Variants in RNF13 observed in about 807,000 individuals in gnomAD.
RNF13 encodes the protein E3 ubiquitin-protein ligase RNF13.
Under a neutral mutation model 37.7 loss-of-function variants are expected in RNF13, and 19 were observed. That is an observed-to-expected ratio of 0.50 (90% CI 0.35 to 0.74). The LOEUF (loss-of-function observed/expected upper bound fraction) is 0.74. Among genes scored for constraint, RNF13 ranks in the 30% least tolerant of loss-of-function variants. RNF13 has a pLI of 0.01. For missense variants in RNF13, 375 were observed against 453.0 expected (o/e 0.83, Z 1.56); for synonymous variants, 144 against 157.8 (o/e 0.91, Z 0.65).
chr3:149,941,889 A>ATATT lies in RNF13; in HGVS notation c.701-18140_701-18137dup, dbSNP rs58521010. 9.5e-3 allele frequency among the ~76,000 whole-genome samples: 1,366 copies of ATATT among 144,344 alleles called. 19 individuals carry two copies. Among genetic ancestry groups the ATATT allele is most frequent in the African/African-American group, 0.028 (1,096 of 39,286 alleles). The allele number at this position is 144,344 out of a possible 152,430, so 94.7% of individuals were successfully genotyped here. A position where few individuals can be genotyped will look rare whatever the true frequency, so the allele number is the denominator to read the frequency against. On this transcript the variant is annotated intron_variant, in intron 8 of 9. Coordinates refer to ENST00000392894, the MANE Select transcript of RNF13 (RefSeq NM_183381.3). ...AAGGTGTAAGTTAAGGTCCAGCTTA[A>ATATT]TATTTATTTATTTATTTATTTATTT...
At chr3:149,909,477 G>A (rs1716765283) in intron 6 of RNF13, among the ~76,000 whole-genome samples, 1 of 132,286 alleles carries the variant, frequency 7.6e-6, no homozygotes, top group Non-Finnish European at 1.6e-5. Context: ...TTTTAGTAGA[G>A]ATGGGGTTTT....
At chr3:149,863,182 T>G (rs1724450931) in intron 3 of RNF13, among the ~76,000 whole-genome samples, 1 of 152,214 alleles carries the variant, frequency 6.6e-6, no homozygotes, top group African/African-American at 2.4e-5. Flanking sequence ...TTAATCAGAT[T>G]GATAAGCAAA....
chr3:149,957,040 T>C (rs761068175), intron 8 of RNF13, among the ~76,000 whole-genome samples: 4 of 152,230 alleles, frequency 2.6e-5, no homozygotes, highest in Non-Finnish European at 4.4e-5. Flanking sequence ...CTAACACTTA[T>C]AAAGCACTTG....
intron 2 of RNF13, chr3:149,851,572 T>A (rs1199601045): frequency 2.0e-5 from 3 of 152,200 alleles, no homozygotes; most frequent in Non-Finnish European, 4.4e-5. Context: ...CTTGCTTTCT[T>A]CCTTTTTGTC....
chr3:149,904,871 A>G (rs574757637), intron 6 of RNF13, among the ~76,000 whole-genome samples: 82 of 152,270 alleles, frequency 5.4e-4, no homozygotes, highest in African/African-American at 2.0e-3. Context: ...CTTAGTGCAT[A>G]AACAATATTC....
At chr3:149,931,506 T>C (rs1211071772) in intron 8 of RNF13, among the ~76,000 whole-genome samples, 3 of 152,194 alleles carry the variant, frequency 2.0e-5, no homozygotes, top group Non-Finnish European at 4.4e-5. Flanking sequence ...TTCTAACATA[T>C]ATATATTCAG....
At chr3:149,863,515 G>C (rs1019727483) in intron 3 of RNF13, among the ~76,000 whole-genome samples, 1 of 152,144 alleles carries the variant, frequency 6.6e-6, no homozygotes, top group Admixed American at 6.5e-5. Context: ...GTGTAGCTGG[G>C]ATTACAGGCG....
At chr3:149,877,715 A>G (rs1010358252) in intron 4 of RNF13, among the ~76,000 whole-genome samples, 1 of 152,106 alleles carries the variant, frequency 6.6e-6, no homozygotes, top group Non-Finnish European at 1.5e-5. Flanking sequence ...TTAATTTTTC[A>G]TAATGTATAT....
chr3:149,937,580 G>C (rs1576566911), intron 8 of RNF13, among the ~76,000 whole-genome samples: 1 of 151,956 alleles, frequency 6.6e-6, no homozygotes, highest in Non-Finnish European at 1.5e-5. Flanking sequence ...TGCCATTTTG[G>C]TAACATCACT....
intron 1 of RNF13, among the ~76,000 whole-genome samples, chr3:149,821,823 A>C (rs1720021727): frequency 6.6e-6 from 1 of 152,040 alleles, no homozygotes; most frequent in South Asian, 2.1e-4. Flanking sequence ...ATTTTGTGTT[A>C]ATTGTTGTAT....
intron 4 of RNF13, chr3:149,895,179 C>A: frequency 4.1e-6 from 1 of 243,140 alleles, no homozygotes; most frequent in Non-Finnish European, 7.8e-6. Flanking sequence ...TTGTCATTCT[C>A]ATTTCAGAGG....
At chr3:149,926,338 AG>A (rs1401793397) in intron 8 of RNF13, among the ~76,000 whole-genome samples, 1 of 152,090 alleles carries the variant, frequency 6.6e-6, no homozygotes, top group African/African-American at 2.4e-5. Context: ...CATCCTGCCG[AG>A]TAGCTGGGAC....
chr3:149,901,496 A>G (rs1440684403), intron 5 of RNF13, among the ~76,000 whole-genome samples: 1 of 152,198 alleles, frequency 6.6e-6, no homozygotes, highest in Non-Finnish European at 1.5e-5. Context: ...ATCAAACACA[A>G]AACTTTGCCA....
chr3:149,836,148 T>C (rs1721602834), intron 1 of RNF13, among the ~76,000 whole-genome samples: 2 of 152,346 alleles, frequency 1.3e-5, no homozygotes, highest in South Asian at 4.1e-4. Flanking sequence ...CTAGTGATGT[T>C]GAGCATTTCT....
chr3:149,848,699 T>TTTGG (rs771822334), intron 2 of RNF13, among the ~76,000 whole-genome samples: 2 of 152,188 alleles, frequency 1.3e-5, no homozygotes, highest in African/African-American at 4.8e-5. Flanking sequence ...CCTTTGATTT[T>TTTGG]TTGGTTGGTT....
At chr3:149,901,275 A>G (rs146309992) in intron 5 of RNF13, among the ~76,000 whole-genome samples, 1 of 152,334 alleles carries the variant, frequency 6.6e-6, no homozygotes, top group East Asian at 1.9e-4. Flanking sequence ...TTTGAAAACT[A>G]TAAAAAGAAA....
At chr3:149,923,799 T>C (rs564357599) in intron 8 of RNF13, among the ~76,000 whole-genome samples, 1 of 144,108 alleles carries the variant, frequency 6.9e-6, no homozygotes, top group African/African-American at 2.6e-5. Flanking sequence ...GTTTAAAAAA[T>C]GGTGATACTG....
chr3:149,900,643 G>T (rs1011261436), intron 5 of RNF13, among the ~76,000 whole-genome samples: 2 of 151,810 alleles, frequency 1.3e-5, no homozygotes, highest in African/African-American at 4.8e-5. Context: ...GACATAACAG[G>T]ATATCTGAGC....
At chr3:149,930,222 C>A (rs1481791988) in intron 8 of RNF13, among the ~76,000 whole-genome samples, 2 of 152,218 alleles carry the variant, frequency 1.3e-5, no homozygotes, top group Non-Finnish European at 2.9e-5. Flanking sequence ...AGCCACTGCA[C>A]CAGCTGATTA....
Sources: allele counts gnomAD v4.1 joint callset (sites outside exome capture counted in the v4.1 genomes callset), GRCh38; gene constraint gnomAD v4.1.1; transcripts MANE v1.5; gene names NCBI Gene and HGNC (gene_info 2026-07-23, HGNC 2026-07-21).